HSPA12A: variants seen among roughly 807,000 people sequenced by gnomAD.
HSPA12A encodes the protein heat shock 70 kDa protein 12A.
In HSPA12A, 28 loss-of-function variants were observed where a neutral mutation model predicts 69.2. That is an observed-to-expected ratio of 0.40 (90% CI 0.30 to 0.55). The LOEUF is 0.55. HSPA12A is among the 20% of genes least tolerant of loss of function. HSPA12A has a pLI of 0.38. For missense variants in HSPA12A, 686 were observed against 900.7 expected (o/e 0.76, Z 3.05); for synonymous variants, 345 against 370.5 (o/e 0.93, Z 0.79).
At chr10:116,743,271 T>C (rs1260896390), upstream of HSPA12A, among the ~76,000 whole-genome samples, 3 of 152,168 alleles carry the variant, frequency 2.0e-5, no homozygotes, top group Non-Finnish European at 4.4e-5. Flanking sequence ...AAGGCTTCAG[T>C]TGTGAATGAT....
chr10:116,680,643 G>A (rs1045799499), intron 9 of HSPA12A, among the ~76,000 whole-genome samples: 9 of 152,122 alleles, frequency 5.9e-5, no homozygotes, highest in Admixed American at 1.3e-4. Flanking sequence ...GCACCACCAC[G>A]CCCAGCTAAT....
intron 2 of HSPA12A, among the ~76,000 whole-genome samples, chr10:116,749,501 C>A (rs781888126): frequency 1.3e-5 from 2 of 152,228 alleles, no homozygotes; most frequent in Non-Finnish European, 2.9e-5. Flanking sequence ...ATTTGCCCCA[C>A]GGCATTCTGA....
chr10:116,841,641 T>C (rs569597848), intron 1 of HSPA12A, among the ~76,000 whole-genome samples: 1 of 152,252 alleles, frequency 6.6e-6, no homozygotes, highest in Non-Finnish European at 1.5e-5. Flanking sequence ...TAGATGTTTG[T>C]CATATACAAA....
intron 2 of HSPA12A, among the ~76,000 whole-genome samples, chr10:116,794,205 G>A (rs1159781041): frequency 3.3e-5 from 5 of 151,852 alleles, no homozygotes; most frequent in East Asian, 3.9e-4. Context: ...GCAAGACTCC[G>A]TCTCAAAAAA....
intron 5 of HSPA12A, among the ~76,000 whole-genome samples, chr10:116,695,814 C>T (rs1380191370): frequency 2.8e-5 from 4 of 145,176 alleles, no homozygotes; most frequent in Middle Eastern, 7.3e-3. Flanking sequence ...AGCGAGACTC[C>T]GTCTCAAAAC....
At chr10:116,703,962 C>A (rs1850156996) in intron 3 of HSPA12A, among the ~76,000 whole-genome samples, 1 of 152,194 alleles carries the variant, frequency 6.6e-6, no homozygotes, top group Non-Finnish European at 1.5e-5. Context: ...CTTGAAAGGG[C>A]CAGCACCTGG....
chr10:116,788,624 T>C (rs1025573731), intron 2 of HSPA12A, among the ~76,000 whole-genome samples: 4 of 151,252 alleles, frequency 2.6e-5, no homozygotes, highest in Admixed American at 6.6e-5. Context: ...TGCAAATGGA[T>C]AGCAATGGGA....
chr10:116,758,559 A>T (rs959873269), intron 2 of HSPA12A, among the ~76,000 whole-genome samples: 1 of 152,166 alleles, frequency 6.6e-6, no homozygotes, highest in Non-Finnish European at 1.5e-5. Flanking sequence ...TTACAGGAAT[A>T]TGAGGCCAGC....
At position 116,828,963 on chromosome 10, in the gene HSPA12A, G is replaced by A. The variant is rs548680809; in HGVS notation, c.91+5972C>T. The A allele has an allele frequency of 5.3e-5, 8 of 152,208 alleles. 1 individual carries two copies. The East Asian group carries it at 5.8e-4, about 11-fold the overall frequency. 9.4% of individuals were successfully genotyped at this position (152,208 alleles called of 1,614,324 possible). A position where few individuals can be genotyped will look rare whatever the true frequency, so the allele number is the denominator to read the frequency against. Reference sequence around the variant, plus strand: ...GAGAAACAATGTTGTAATTTTTACCGTGTTTCCATCCAAGCCTCCACATGC... The same window carrying A: ...GAGAAACAATGTTGTAATTTTTACCATGTTTCCATCCAAGCCTCCACATGC... On this transcript the variant is annotated intron_variant, in intron 2 of 12. Transcript: ENST00000635765.
intron 1 of HSPA12A, 116 bp from the exon 2 acceptor site, chr10:116,707,401 T>A: frequency 1.3e-6 from 1 of 791,902 alleles, no homozygotes; most frequent in Non-Finnish European, 2.1e-6. Context: ...CAAAGCCAGC[T>A]CACGAAATGG....
intron 5 of HSPA12A, among the ~76,000 whole-genome samples, chr10:116,694,895 C>T (rs529676819): frequency 1.1e-3 from 175 of 152,302 alleles, no homozygotes; most frequent in Middle Eastern, 6.8e-3. Flanking sequence ...GGCTTCACAA[C>T]GCTTGTCTCT....
At chr10:116,725,694 A>T (rs1345810429) in intron 1 of HSPA12A, among the ~76,000 whole-genome samples, 2 of 152,074 alleles carry the variant, frequency 1.3e-5, no homozygotes, top group Admixed American at 1.3e-4. Context: ...CAAAACCCAG[A>T]ACTACTCCCA....
At chr10:116,737,638 T>C (rs1260520459) in intron 1 of HSPA12A, among the ~76,000 whole-genome samples, 2 of 152,164 alleles carry the variant, frequency 1.3e-5, no homozygotes, top group East Asian at 1.9e-4. Context: ...CCAGGACATA[T>C]GGCCACCCTA....
In HSPA12A at chr10:116,710,368, G is replaced by A. The variant is rs1237197096; in HGVS notation, c.41-3083C>T. 2.6e-5 allele frequency among the ~76,000 whole-genome samples: 4 copies of A among 152,166 alleles called. No homozygotes were observed. Among genetic ancestry groups the A allele is most frequent in the African/African-American group, 9.7e-5 (4 of 41,438 alleles). The stretch of plus-strand genomic sequence containing the variant: ...CTGCAGACAAACTATCCACCCCGCT[G>A]CTGCTTGGTCCTAATTATCCCATCA... On this transcript the variant is annotated intron_variant, in intron 1 of 11. Transcript: ENST00000369209. The surrounding 1 kb of genome is among the most constrained non-coding windows in gnomAD (Gnocchi z 4.1).
At chr10:116,767,934 A>C (rs1487903631) in intron 2 of HSPA12A, among the ~76,000 whole-genome samples, 1 of 152,198 alleles carries the variant, frequency 6.6e-6, no homozygotes, top group African/African-American at 2.4e-5. Context: ...AACAGCCTTA[A>C]AAAGTTTGGC....
chr10:116,761,993 T>C (rs1843983000), intron 2 of HSPA12A, among the ~76,000 whole-genome samples: 2 of 152,272 alleles, frequency 1.3e-5, no homozygotes, highest in South Asian at 4.1e-4. Context: ...AGTCTTTGAA[T>C]GCAACATTGT....
chr10:116,681,113 T>C (rs970603559), intron 9 of HSPA12A, 39 bp downstream of exon 9: 8 of 1,379,720 alleles, frequency 5.8e-6, no homozygotes, highest in Non-Finnish European at 8.3e-6. Context: ...TGCCTGGAAT[T>C]GGCTCAGGAA....
chr10:116,777,166 G>A (rs1844356735), intron 2 of HSPA12A, among the ~76,000 whole-genome samples: 1 of 152,292 alleles, frequency 6.6e-6, no homozygotes, highest in East Asian at 1.9e-4. Context: ...TCAACACCCG[G>A]GTGTTAAGTT....
At chr10:116,849,813 C>T (rs1011320014), upstream of HSPA12A, 34 of 1,412,176 alleles carry the variant, frequency 2.4e-5, no homozygotes, top group Non-Finnish European at 3.0e-5. Flanking sequence ...GCGCCTGCGC[C>T]TGCGCCTCAG....
Sources: gnomAD v4.1 joint callset for allele counts (sites outside exome capture counted in the v4.1 genomes callset) on GRCh38, gnomAD v4.1.1 for gene constraint, Gnocchi (gnomAD v3.1) non-coding constraint, MANE v1.5 for transcripts, NCBI Gene and HGNC (gene_info 2026-07-23, HGNC 2026-07-21) for gene names.